The following CPNE9 variants were observed in gnomAD, a reference collection of about 807,000 sequenced individuals.
CPNE9 encodes copine-9.
In CPNE9, 59 loss-of-function variants were observed where a neutral mutation model predicts 83.0. The ratio of observed to expected loss-of-function variants is 0.71; its 90% CI spans 0.58 to 0.88. CPNE9 has a LOEUF of 0.88. Ranked by LOEUF, CPNE9 falls within the 40% of genes least tolerant of loss-of-function variation. CPNE9 has a pLI of 0.00. For missense variants in CPNE9, 619 were observed against 720.8 expected, an observed-to-expected ratio of 0.86 and a Z score of 1.62; for synonymous variants, 256 against 273.4, an observed-to-expected ratio of 0.94 and a Z score of 0.63.
At chr3:9,720,213 T>A (rs975504942) in intron 17 of CPNE9, among the ~76,000 whole-genome samples, 9 of 151,862 alleles carry the variant, frequency 5.9e-5, no homozygotes, top group Admixed American at 1.3e-4. Flanking sequence ...GAACAAAAAA[T>A]AAGCAAACCC....
At chr3:9,725,217 A>T (rs2076766532) in intron 17 of CPNE9, among the ~76,000 whole-genome samples, 1 of 152,120 alleles carries the variant, frequency 6.6e-6, no homozygotes, top group South Asian at 2.1e-4. Flanking sequence ...TCCAGTGTCT[A>T]CCATAGTAAG....
chr3:9,714,927 G>A lies in CPNE9; in HGVS notation c.664G>A (p.Asp222Asn). 1 of 1,613,954 alleles carries A rather than the reference G, an allele frequency of 6.2e-7. No individual in the cohort carries two copies. Among genetic ancestry groups the A allele is most frequent in the Non-Finnish European group, 8.5e-7 (1 of 1,179,878 alleles). Residue 222 changes from aspartate to asparagine, a missense_variant, in exon 11 of 21, where the codon GAT (aspartate) becomes AAT (asparagine). Transcript: ENST00000383832. Reference protein sequence around the residue: ...NGDYDRTVKIDVYDWDRDGSH... With the variant: ...NGDYDRTVKINVYDWDRDGSH... ...CCTACATTTCAGAACGGTGAAGATTGATGTGTACGACTGGGACCGGGATGG... is the reference window on the plus strand; with the variant it reads ...CCTACATTTCAGAACGGTGAAGATTAATGTGTACGACTGGGACCGGGATGG...
chr3:9,705,432 C>T (rs1369419958), intron 4 of CPNE9, 32 bp from the exon 5 acceptor site: 1 of 1,330,534 alleles, frequency 7.5e-7, no homozygotes, highest in Non-Finnish European at 1.1e-6. Flanking sequence ...CCCACCCAGC[C>T]CCACCCCACA....
intron 13 of CPNE9, 38 bp from the exon 14 acceptor site, chr3:9,715,935 CT>C (rs2125468573): frequency 1.3e-6 from 2 of 1,594,646 alleles, no homozygotes; most frequent in Non-Finnish European, 1.7e-6. Context: ...CCCCAACTGC[CT>C]TTTCCAAAGT....
chr3:9,723,582 T>TG (rs2076752083), intron 17 of CPNE9, among the ~76,000 whole-genome samples: 1 of 152,198 alleles, frequency 6.6e-6, no homozygotes, highest in African/African-American at 2.4e-5. Flanking sequence ...TTATTTCAGT[T>TG]GGGGTCTTAC....
At chr3:9,724,321 G>A (rs959085639) in intron 17 of CPNE9, among the ~76,000 whole-genome samples, 1 of 152,038 alleles carries the variant, frequency 6.6e-6, no homozygotes, top group African/African-American at 2.4e-5. Flanking sequence ...GGAAGCAGCT[G>A]TTAGATTGGC....
At chr3:9,719,972 C>T (rs897330590) in intron 17 of CPNE9, among the ~76,000 whole-genome samples, 2 of 151,360 alleles carry the variant, frequency 1.3e-5, no homozygotes, top group African/African-American at 2.4e-5. Context: ...ACCTGGGCGA[C>T]AGAGCAAGAC....
chr3:9,712,772 C>A lies in CPNE9; in HGVS notation c.489C>A (p.Asp163Glu), dbSNP rs1216704067. The stretch of plus-strand genomic sequence containing the variant: ...GTGCAAACAAGCTGGACAAGAAGGA[C>A]TTCTTTGGGAAATCAGACCCCTTCC... ...QLCANKLDKK[D>E]FFGKSDPFLV... The change falls in exon 9 of 21, where the codon GAC becomes GAA. Residue 163 changes from aspartate (D) to glutamate (E), a missense_variant. Physicochemically the swap from Asp to Glu is conservative, Grantham distance 45. Transcript: ENST00000383832. 3.7e-6 allele frequency: 6 copies of A among 1,614,062 alleles called. No individual in the cohort carries two copies. The South Asian group carries it at 5.5e-5, about 15-fold the overall frequency.
chr3:9,722,136 C>T (rs1292382034), intron 17 of CPNE9, among the ~76,000 whole-genome samples: 2 of 150,826 alleles, frequency 1.3e-5, no homozygotes, highest in Non-Finnish European at 2.9e-5. Flanking sequence ...AGGCTGGTCT[C>T]GAACTCCTGA....
At position 9,718,685 on chromosome 3, in the gene CPNE9, A is replaced by C. The variant is rs571532080; in HGVS notation, c.1241+83A>C. 99 of 1,515,780 alleles carry C rather than the reference A, an allele frequency of 6.5e-5. No homozygotes were observed. The South Asian group carries it at 1.1e-3, about 18-fold the overall frequency. The allele number at this position is 1,515,780 out of a possible 1,614,324, so 93.9% of individuals were successfully genotyped here. On this transcript the variant is annotated intron_variant, in intron 17 of 20. Transcript: ENST00000383832. The stretch of plus-strand genomic sequence containing the variant: ...CCCCAAGGATAGTCAGGAGCACTCT[A>C]AGTAATTTAGGATGATTTGAAGTAA...
intron 4 of CPNE9, 146 bp downstream of exon 4, chr3:9,705,140 C>T: frequency 1.4e-6 from 1 of 689,852 alleles, no homozygotes; most frequent in Non-Finnish European, 2.6e-6. Flanking sequence ...CTAGCCTGAG[C>T]CCTGCCCTTT....
At position 9,718,502 on chromosome 3, in the gene CPNE9, G is replaced by A. The variant is rs1575127652; in HGVS notation, c.1141G>A (p.Ala381Thr). 1 of 1,613,532 alleles carries A rather than the reference G, an allele frequency of 6.2e-7. No individual in the cohort carries two copies. Among genetic ancestry groups the A allele is most frequent in the Admixed American group, 1.7e-5 (1 of 60,018 alleles). The change falls in exon 17 of 21, where the codon GCG becomes ACG. Residue 381 changes from alanine (A) to threonine (T), a missense_variant. Coordinates refer to ENST00000383832, the MANE Select transcript of CPNE9 (RefSeq NM_153635.3). The part of the protein sequence containing the change: ...LNNNDEDPNC[A>T]GIEGVLESYF... ...CAACAATGATGAGGACCCCAACTGT[G>A]CGGGCATCGAGGGTGTGCTGGAGAG...
Position 9,704,159 on chromosome 3 carries a change from G to A in CPNE9, c.68+95G>A. The A allele has an allele frequency of 8.4e-7, 1 of 1,187,114 alleles. No individual in the cohort carries two copies. Among genetic ancestry groups the A allele is most frequent in the African/African-American group, 1.6e-5 (1 of 64,466 alleles). 73.5% of individuals were successfully genotyped at this position (1,187,114 alleles called of 1,614,324 possible). On this transcript the variant is annotated intron_variant, in intron 1 of 20. Coordinates refer to ENST00000383832, the MANE Select transcript of CPNE9 (RefSeq NM_153635.3). This position sits in a 1 kb window ranked among gnomAD's most constrained non-coding sequence, Gnocchi z 7.1. ...GCCTGGGCAGGGGCTAGACCCCCGG[G>A]GAGAGGCGAAATTGGCTGGAAAATC...
Position 9,704,683 on chromosome 3 carries a change from C to T in CPNE9, c.109+56C>T. The T allele has an allele frequency of 1.9e-6, 3 of 1,603,292 alleles. No individual in the cohort carries two copies. Among genetic ancestry groups the T allele is most frequent in the Non-Finnish European group, 2.6e-6 (3 of 1,170,422 alleles). The stretch of plus-strand genomic sequence containing the variant: ...TTGGGGTCTGGGCGCGACTCAGGGG[C>T]GGGTGGAGTCGGGGCCAGGGGTGGG... On this transcript the variant is annotated intron_variant, in intron 2 of 20. Coordinates refer to ENST00000383832, the MANE Select transcript of CPNE9 (RefSeq NM_153635.3). This position sits in a 1 kb window ranked among gnomAD's most constrained non-coding sequence, Gnocchi z 7.1.
At chr3:9,716,992 GT>G in intron 14 of CPNE9, 65 bp from the exon 15 acceptor site, 1 of 1,520,428 alleles carries the variant, frequency 6.6e-7, no homozygotes, top group Non-Finnish European at 9.1e-7. Flanking sequence ...GCACATTACT[GT>G]TTGAGAAATA....
At position 9,704,157 on chromosome 3, in the gene CPNE9, G is replaced by A. The variant is rs1240966430; in HGVS notation, c.68+93G>A. On this transcript the variant is annotated intron_variant, in intron 1 of 20. Coordinates refer to ENST00000383832, the MANE Select transcript of CPNE9 (RefSeq NM_153635.3). This position sits in a 1 kb window ranked among gnomAD's most constrained non-coding sequence, Gnocchi z 7.1. Reference sequence around the variant, plus strand: ...CAGCCTGGGCAGGGGCTAGACCCCCGGGGAGAGGCGAAATTGGCTGGAAAA... The same window carrying A: ...CAGCCTGGGCAGGGGCTAGACCCCCAGGGAGAGGCGAAATTGGCTGGAAAA... The A allele has an allele frequency of 2.5e-6, 3 of 1,190,920 alleles. No homozygotes were observed. Among genetic ancestry groups the A allele is most frequent in the Non-Finnish European group, 3.5e-6 (3 of 845,504 alleles). The allele number at this position is 1,190,920 out of a possible 1,614,324, so 73.8% of individuals were successfully genotyped here.
rs2076645351 is a variant in CPNE9 at position 9,713,052 on chromosome 3, G to A, written c.623G>A (p.Arg208Gln). Reference sequence around the variant, plus strand: ...TGGCAGCCCTTCAGCATCCCTGTGCGGGCTCTGTGCAATGGAGACTATGAC... The same window carrying A: ...TGGCAGCCCTTCAGCATCCCTGTGCAGGCTCTGTGCAATGGAGACTATGAC... ...PVWQPFSIPV[R>Q]ALCNGDYDRT... The change falls in exon 10 of 21, where the codon CGG becomes CAG. Residue 208 changes from arginine to glutamine, a missense_variant. Physicochemically the swap from Arg to Gln is conservative, Grantham distance 43 (BLOSUM62 1). This residue lies in a region of CPNE9 where 438 missense variants were observed against 562.9 expected (regional missense o/e 0.78). Coordinates refer to ENST00000383832, the MANE Select transcript of CPNE9 (RefSeq NM_153635.3). 4.3e-6 allele frequency: 7 copies of A among 1,614,096 alleles called. No homozygotes were observed. The highest frequency in any genetic ancestry group is 1.1e-5 in the South Asian group (1 of 91,078).
intron 7 of CPNE9, among the ~76,000 whole-genome samples, chr3:9,708,692 GGGA>G (rs151140663): frequency 0.069 from 10,532 of 151,750 alleles, 584 homozygotes; most frequent in Admixed American, 0.13. Flanking sequence ...GAGTGCAGTG[GGGA>G]GATCTCGGCT....
In CPNE9 at chr3:9,729,748, G is replaced by A. The variant is rs923851505; in HGVS notation, c.*56G>A. On this transcript the variant is annotated 3_prime_UTR_variant, in exon 21 of 21. Transcript: ENST00000383832. ...GCAAGCCTGCTCACCCACTGCTTCT[G>A]CTTTAAGCCAGAGGCACCTGGAACC... 1 of 1,542,060 alleles carries A rather than the reference G, an allele frequency of 6.5e-7. No individual in the cohort carries two copies. Among genetic ancestry groups the A allele is most frequent in the African/African-American group, 1.4e-5 (1 of 73,646 alleles).
Sources: allele counts gnomAD v4.1 joint callset (sites outside exome capture counted in the v4.1 genomes callset), GRCh38; gene constraint gnomAD v4.1.1; regional missense constraint gnomAD v4.1.1; non-coding constraint Gnocchi (gnomAD v3.1); transcripts MANE v1.5; gene names NCBI Gene and HGNC (gene_info 2026-07-23, HGNC 2026-07-21).